ZNF33A: variants seen among roughly 807,000 people sequenced by gnomAD.
ZNF33A encodes the protein zinc finger protein 33A.
A neutral mutation model predicts 15.9 loss-of-function variants in ZNF33A; 9 were observed. The observed-to-expected ratio is 0.57, with a 90% CI of 0.34 to 0.99. The LOEUF (loss-of-function observed/expected upper bound fraction) is 0.99. ZNF33A is among the 50% of genes least tolerant of loss of function. The pLI is 0.02. For synonymous variants in ZNF33A, 294 were observed against 324.2 expected (o/e 0.91, Z 1.00); for missense variants, 843 against 941.6 (o/e 0.90, Z 1.37).
intron 4 of ZNF33A, among the ~76,000 whole-genome samples, chr10:38,040,196 C>T (rs1270282914): frequency 2.6e-5 from 4 of 151,522 alleles, no homozygotes; most frequent in African/African-American, 4.9e-5. Flanking sequence ...TTTGTAATTT[C>T]GACTGTGGTC....
rs549401209 is a variant in ZNF33A at position 38,032,536 on chromosome 10, G to A, written c.250+15150G>A. ...TGGCTCACTGCAACCTCTGCCTCCC[G>A]GGTTCAAGCCAGTTCTCCTGCCTCA... On this transcript the variant is annotated intron_variant, in intron 4 of 4. Coordinates refer to ENST00000432900, the MANE Select transcript of ZNF33A (RefSeq NM_006954.2). 7.2e-5 allele frequency among the ~76,000 whole-genome samples: 11 copies of A among 152,078 alleles called. No homozygotes were observed. In the East Asian group the frequency reaches 1.4e-3, roughly 19 times the overall value.
In ZNF33A at chr10:38,012,447, T is replaced by G. The variant is rs581543; in HGVS notation, c.9+97T>G. The G allele has an allele frequency of 1.1e-5, 14 of 1,237,734 alleles. 1 individual carries two copies. Among genetic ancestry groups the G allele is most frequent in the South Asian group, 8.4e-5 (6 of 71,614 alleles). The allele number at this position is 1,237,734 out of a possible 1,614,324, so 76.7% of individuals were successfully genotyped here. ...TTTGTTTTTTTTTTTTTTTTTTTTTTGTGAGACGGAGTCTCACTCTGTCAC... is the reference window on the plus strand; with the variant it reads ...TTTGTTTTTTTTTTTTTTTTTTTTTGGTGAGACGGAGTCTCACTCTGTCAC... On this transcript the variant is annotated intron_variant, in intron 2 of 4. Coordinates refer to ENST00000432900, the MANE Select transcript of ZNF33A (RefSeq NM_006954.2).
intron 4 of ZNF33A, among the ~76,000 whole-genome samples, chr10:38,054,098 C>T (rs1590698231): frequency 6.6e-6 from 1 of 152,288 alleles, no homozygotes; most frequent in South Asian, 2.1e-4. Flanking sequence ...TAAGCAGCTG[C>T]TATTATTCTT....
chr10:38,064,478 G>C (rs770288925), downstream of ZNF33A: 2 of 254,358 alleles, frequency 7.9e-6, no homozygotes, highest in Non-Finnish European at 1.5e-5. Flanking sequence ...CCAAATCTAA[G>C]TGGGAAAAGA....
At position 38,056,611 on chromosome 10, in the gene ZNF33A, C is replaced by T. The variant is rs1264059849; in HGVS notation, c.*51C>T. 6.6e-7 allele frequency: 1 copy of T among 1,510,988 alleles called. No individual in the cohort carries two copies. Among genetic ancestry groups the T allele is most frequent in the African/African-American group, 1.4e-5 (1 of 71,672 alleles). The allele number at this position is 1,510,988 out of a possible 1,614,324, so 93.6% of individuals were successfully genotyped here. Reference sequence around the variant, plus strand: ...CTCCAAAGTAATAGTAGGGGATAAACCCATAGACTACAACAATTATAGGAC... The same window carrying T: ...CTCCAAAGTAATAGTAGGGGATAAATCCATAGACTACAACAATTATAGGAC... On this transcript the variant is annotated 3_prime_UTR_variant, in exon 5 of 5. Coordinates refer to ENST00000432900, the MANE Select transcript of ZNF33A (RefSeq NM_006954.2).
chr10:38,026,867 G>A (rs757685557), intron 4 of ZNF33A, among the ~76,000 whole-genome samples: 6 of 152,026 alleles, frequency 3.9e-5, no homozygotes, highest in Admixed American at 2.0e-4. Context: ...TCCCCCTTCC[G>A]ACCAGTCTGT....
Position 38,057,975 on chromosome 10 carries a change from G to A in ZNF33A, c.*1415G>A, listed in dbSNP as rs905152649. 1.9e-4 allele frequency: 191 copies of A among 985,186 alleles called. No individual in the cohort carries two copies. Among genetic ancestry groups the A allele is most frequent in the Non-Finnish European group, 2.3e-4 (190 of 829,920 alleles). 61.0% of individuals were successfully genotyped at this position (985,186 alleles called of 1,614,324 possible). ...GCAGAACCAGAATCAAGCTGGTGTG[G>A]GGCTTTTATTGATAGTGTGAAGATT... On this transcript the variant is annotated 3_prime_UTR_variant, in exon 5 of 5. Transcript: ENST00000432900.
At chr10:38,036,309 C>T (rs1244778968) in intron 4 of ZNF33A, among the ~76,000 whole-genome samples, 1 of 151,986 alleles carries the variant, frequency 6.6e-6, no homozygotes, top group Non-Finnish European at 1.5e-5. Flanking sequence ...TGGTGGAATG[C>T]GCCTGTAATC....
intron 4 of ZNF33A, among the ~76,000 whole-genome samples, chr10:38,039,187 G>GT (rs138929289): frequency 0.77 from 113,881 of 148,034 alleles, 43,791 homozygotes; most frequent in South Asian, 0.87. Flanking sequence ...ATGGACCTGG[G>GT]TTTTTTTTTT....
At chr10:38,015,897 G>A (rs141591017) in intron 2 of ZNF33A, 2 of 881,148 alleles carry the variant, frequency 2.3e-6, no homozygotes, top group African/African-American at 1.7e-5. Flanking sequence ...AATTGGTTCT[G>A]TAAACGAAAC....
chr10:38,060,926 T>C (rs1253905208), downstream of ZNF33A, among the ~76,000 whole-genome samples: 1 of 152,144 alleles, frequency 6.6e-6, no homozygotes, highest in East Asian at 1.9e-4. Context: ...ACCCATTGGC[T>C]GTATCCCTTC....
At chr10:38,051,045 C>T (rs2066177267) in intron 4 of ZNF33A, among the ~76,000 whole-genome samples, 1 of 151,562 alleles carries the variant, frequency 6.6e-6, no homozygotes, top group Non-Finnish European at 1.5e-5. Flanking sequence ...CAAGTATTAA[C>T]AAAGAAGTCA....
intron 4 of ZNF33A, among the ~76,000 whole-genome samples, chr10:38,022,791 A>G (rs557063407): frequency 2.6e-5 from 4 of 152,298 alleles, no homozygotes; most frequent in African/African-American, 9.6e-5. Context: ...GGTTGACATA[A>G]TTTGAATCAA....
intron 4 of ZNF33A, among the ~76,000 whole-genome samples, chr10:38,033,732 A>C (rs1427429083): frequency 8.9e-5 from 13 of 145,654 alleles, no homozygotes; most frequent in Non-Finnish European, 1.7e-4. Context: ...TTTCTTTTTG[A>C]GATGGAGTCT....
chr10:38,067,207 G>A (rs1362405283), downstream of ZNF33A, among the ~76,000 whole-genome samples: 4 of 152,140 alleles, frequency 2.6e-5, no homozygotes, highest in South Asian at 2.1e-4. Flanking sequence ...CAGACCACAT[G>A]TTCCATGATT....
chr10:38,063,580 A>T (rs901152028), downstream of ZNF33A, among the ~76,000 whole-genome samples: 1 of 152,090 alleles, frequency 6.6e-6, no homozygotes, highest in African/African-American at 2.4e-5. Context: ...TAAAGGGAGG[A>T]TTACATGTGA....
chr10:38,047,488 G>A (rs1275138789), intron 4 of ZNF33A, among the ~76,000 whole-genome samples: 5 of 151,634 alleles, frequency 3.3e-5, no homozygotes, highest in East Asian at 2.0e-4. Context: ...TTAGCTGTGC[G>A]TGGTGGCAGG....
In ZNF33A at chr10:38,010,909, G is replaced by A. The variant is rs564404548; in HGVS notation, c.-45+126G>A. On this transcript the variant is annotated intron_variant, in intron 1 of 4. Coordinates refer to ENST00000432900, the MANE Select transcript of ZNF33A (RefSeq NM_006954.2). Reference sequence around the variant, plus strand: ...GGACCTCATAGGGGAAGGCGGGGACGGCGGGGCTGCAGCGTGTGGGCCACG... The same window carrying A: ...GGACCTCATAGGGGAAGGCGGGGACAGCGGGGCTGCAGCGTGTGGGCCACG... 5.6e-5 allele frequency: 68 copies of A among 1,212,032 alleles called. No homozygotes were observed. The African/African-American group carries it at 7.1e-4, about 13-fold the overall frequency. 75.1% of individuals were successfully genotyped at this position (1,212,032 alleles called of 1,614,324 possible).
At chr10:38,041,251 C>T (rs2065684616) in intron 4 of ZNF33A, among the ~76,000 whole-genome samples, 1 of 151,990 alleles carries the variant, frequency 6.6e-6, no homozygotes, top group Non-Finnish European at 1.5e-5. Flanking sequence ...AATTTCTTAT[C>T]CTTCACCCTC....
Sources: allele counts gnomAD v4.1 joint callset (sites outside exome capture counted in the v4.1 genomes callset), GRCh38; gene constraint gnomAD v4.1.1; transcripts MANE v1.5; gene names NCBI Gene and HGNC (gene_info 2026-07-23, HGNC 2026-07-21).